Variants in NUAK1 observed in about 807,000 individuals in gnomAD.
NUAK1 encodes NUAK family kinase 1.
NUAK1 carries 26 observed loss-of-function variants against 56.9 expected under a neutral mutation model. The ratio of observed to expected loss-of-function variants is 0.46; its 90% CI spans 0.33 to 0.63. The LOEUF (loss-of-function observed/expected upper bound fraction) is 0.63. Ranked by LOEUF, NUAK1 falls within the 30% of genes least tolerant of loss-of-function variation. The pLI, the probability that NUAK1 is intolerant of heterozygous loss-of-function variation, is 0.02. For missense variants in NUAK1, 727 were observed against 876.1 expected (o/e 0.83, Z 2.15); for synonymous variants, 337 against 336.0 (o/e 1.00, Z -0.03).
intron 1 of NUAK1, among the ~76,000 whole-genome samples, chr12:106,115,629 C>T (rs769615202): frequency 2.6e-5 from 4 of 152,220 alleles, no homozygotes; most frequent in African/African-American, 4.8e-5. Context: ...CAAGATCCAT[C>T]GGGAGGCTTG....
At chr12:106,101,014 C>A (rs1230805541) in intron 2 of NUAK1, among the ~76,000 whole-genome samples, 1 of 152,232 alleles carries the variant, frequency 6.6e-6, no homozygotes, top group Non-Finnish European at 1.5e-5. Context: ...CGAGCTAAGG[C>A]TCTTGATTGG....
rs549274533 is a variant in NUAK1 at position 106,129,683 on chromosome 12, C to A, written c.240+8731G>T. 7.6e-4 allele frequency among the ~76,000 whole-genome samples: 115 copies of A among 152,272 alleles called. 3 individuals carry two copies. The South Asian group carries it at 0.024, about 31-fold the overall frequency. ...CAAGATAAGAAGGTCACTGGGTACT[C>A]CACCCTAGTACTTCTCCCTGAAACA... On this transcript the variant is annotated intron_variant, in intron 1 of 6. Coordinates refer to ENST00000261402, the MANE Select transcript of NUAK1 (RefSeq NM_014840.3).
At chr12:106,104,280 G>A (rs1204212744) in intron 2 of NUAK1, 1 of 152,180 alleles carries the variant, frequency 6.6e-6, no homozygotes, top group Non-Finnish European at 1.5e-5. Flanking sequence ...TGGCCGGGCT[G>A]GTCTCAAACT....
intron 4 of NUAK1, among the ~76,000 whole-genome samples, chr12:106,075,310 CACACACACAG>C (rs1255898640): frequency 3.5e-4 from 53 of 151,120 alleles, no homozygotes; most frequent in African/African-American, 1.2e-3. Context: ...CACACACACA[CACACACACAG>C]AGAGAGAGAG....
chr12:106,118,869 T>C (rs1203302200), intron 1 of NUAK1, among the ~76,000 whole-genome samples: 1 of 152,224 alleles, frequency 6.6e-6, no homozygotes, highest in African/African-American at 2.4e-5. Flanking sequence ...AATGTGAGCA[T>C]CCCATCTGCA....
intron 1 of NUAK1, among the ~76,000 whole-genome samples, chr12:106,110,593 C>A (rs1033189466): frequency 6.6e-6 from 1 of 152,166 alleles, no homozygotes; most frequent in African/African-American, 2.4e-5. Flanking sequence ...TGAAATCACA[C>A]ACCCTCCACC....
intron 1 of NUAK1, among the ~76,000 whole-genome samples, chr12:106,128,246 C>T (rs1328020361): frequency 6.6e-6 from 1 of 151,892 alleles, no homozygotes; most frequent in Middle Eastern, 3.2e-3. Context: ...ATTCTCCTGC[C>T]TCAGCCTACT....
chr12:106,067,469 A>G lies in NUAK1; in HGVS notation c.1319T>C (p.Val440Ala). ...KMEQDLCRTGVLLPSSPEAEV... is the reference protein window; with the variant it reads ...KMEQDLCRTGALLPSSPEAEV... Reference sequence around the variant, plus strand: ...TGCCTCTGGTGAGCTTGGGAGGAGCACGCCAGTCCTGCACAAGTCCTGCTC... The same window carrying G: ...TGCCTCTGGTGAGCTTGGGAGGAGCGCGCCAGTCCTGCACAAGTCCTGCTC... The change falls in exon 7 of 7, where the codon GTG becomes GCG. Residue 440 changes from valine (V) to alanine (A), a missense_variant. Physicochemically the swap from Val to Ala is moderately conservative, Grantham distance 64. Coordinates refer to ENST00000261402, the MANE Select transcript of NUAK1 (RefSeq NM_014840.3). The surrounding 1 kb of genome is among the most constrained non-coding windows in gnomAD (Gnocchi z 6.0). 6.2e-7 allele frequency: 1 copy of G among 1,614,182 alleles called. No individual in the cohort carries two copies. Among genetic ancestry groups the G allele is most frequent in the Non-Finnish European group, 8.5e-7 (1 of 1,180,036 alleles).
Position 106,106,483 on chromosome 12 carries a change from G to C in NUAK1, c.283C>G (p.Gln95Glu). The C allele has an allele frequency of 6.2e-7, 1 of 1,612,694 alleles. No homozygotes were observed. The highest frequency in any genetic ancestry group is 8.5e-7 in the Non-Finnish European group (1 of 1,179,196). ...SIRKDKIKDE[Q>E]DMVHIRREIE... ...TCTCGTCTGATGTGAACCATGTCTTGTTCATCCTTAATTTTGTCCTTACGA... is the reference window on the plus strand; with the variant it reads ...TCTCGTCTGATGTGAACCATGTCTTCTTCATCCTTAATTTTGTCCTTACGA... The change falls in exon 2 of 7, where the codon CAA becomes GAA. Residue 95 changes from glutamine to glutamate, a missense_variant. Transcript: ENST00000261402.
intron 1 of NUAK1, among the ~76,000 whole-genome samples, chr12:106,124,364 T>A (rs2033005821): frequency 6.6e-6 from 1 of 152,204 alleles, no homozygotes; most frequent in Non-Finnish European, 1.5e-5. Flanking sequence ...AATTTTTATA[T>A]CCTGGGATCT....
chr12:106,112,710 C>G (rs1387072377), intron 1 of NUAK1, among the ~76,000 whole-genome samples: 1 of 152,128 alleles, frequency 6.6e-6, no homozygotes, highest in Non-Finnish European at 1.5e-5. Flanking sequence ...TGGTTCATGT[C>G]CTACATGAAT....
chr12:106,114,950 C>T (rs976066041), intron 1 of NUAK1, among the ~76,000 whole-genome samples: 1 of 152,214 alleles, frequency 6.6e-6, no homozygotes, highest in East Asian at 1.9e-4. Context: ...TCTGTCCTCA[C>T]ATAGCTATGC....
chr12:106,088,155 C>T (rs12582194), intron 2 of NUAK1, among the ~76,000 whole-genome samples: 43,626 of 152,116 alleles, frequency 0.29, 6,613 homozygotes, highest in East Asian at 0.5. Context: ...CAAAGCCACT[C>T]CATTGCCACC....
chr12:106,072,991 A>G, intron 4 of NUAK1, 148 bp from the exon 5 acceptor site: 1 of 814,524 alleles, frequency 1.2e-6, no homozygotes, highest in Non-Finnish European at 2.0e-6. Flanking sequence ...TCCAGCCCTG[A>G]GTCTTCATAA....
intron 1 of NUAK1, among the ~76,000 whole-genome samples, chr12:106,126,553 T>C (rs1354858518): frequency 6.6e-6 from 1 of 152,200 alleles, no homozygotes; most frequent in Non-Finnish European, 1.5e-5. Flanking sequence ...AAGAATTCAG[T>C]GAGATGACAC....
chr12:106,080,237 A>C (rs986908885), intron 4 of NUAK1, among the ~76,000 whole-genome samples: 1 of 152,180 alleles, frequency 6.6e-6, no homozygotes, highest in African/African-American at 2.4e-5. Context: ...CATTGTCTTA[A>C]GGGGCAGCAG....
chr12:106,067,709 A>G lies in NUAK1; in HGVS notation c.1079T>C (p.Val360Ala), dbSNP rs1428816207. The change falls in exon 7 of 7, where the codon GTC becomes GCC. Residue 360 changes from valine (V) to alanine (A), a missense_variant. Coordinates refer to ENST00000261402, the MANE Select transcript of NUAK1 (RefSeq NM_014840.3). The surrounding 1 kb of genome is among the most constrained non-coding windows in gnomAD (Gnocchi z 6.0). ...CAGCGACCGCTGCCGCTCTAGCATG[A>G]CCTCAGAGGTCGTGGGTTTGGCCAG... Reference protein sequence around the residue: ...KGLAKPTTSEVMLERQRSLKK... With the variant: ...KGLAKPTTSEAMLERQRSLKK... 1 of 1,613,984 alleles carries G rather than the reference A, an allele frequency of 6.2e-7. No individual in the cohort carries two copies. Among genetic ancestry groups the G allele is most frequent in the Non-Finnish European group, 8.5e-7 (1 of 1,180,042 alleles).
At chr12:106,087,886 T>C (rs1185683652) in intron 2 of NUAK1, among the ~76,000 whole-genome samples, 1 of 152,226 alleles carries the variant, frequency 6.6e-6, no homozygotes, top group African/African-American at 2.4e-5. Flanking sequence ...GTCCCCAGCA[T>C]GGATGGGGAA....
intron 6 of NUAK1, among the ~76,000 whole-genome samples, chr12:106,070,040 A>G (rs1052591610): frequency 1.3e-5 from 2 of 151,946 alleles, no homozygotes; most frequent in African/African-American, 4.8e-5. Context: ...AGAGCGAGAC[A>G]CTCTCTCAAG....
Sources: gnomAD v4.1 joint callset for allele counts (sites outside exome capture counted in the v4.1 genomes callset) on GRCh38, gnomAD v4.1.1 for gene constraint, Gnocchi (gnomAD v3.1) non-coding constraint, MANE v1.5 for transcripts, NCBI Gene and HGNC (gene_info 2026-07-23, HGNC 2026-07-21) for gene names.